PSMA1: variants seen among roughly 807,000 people sequenced by gnomAD.
PSMA1 encodes proteasome subunit alpha type-1.
In PSMA1, 3 loss-of-function variants were observed where a neutral mutation model predicts 38.4. That is an observed-to-expected ratio of 0.08 (90% CI 0.04 to 0.20). The LOEUF is 0.20. Among genes scored for constraint, PSMA1 ranks in the 10% least tolerant of loss-of-function variants. PSMA1 has a pLI of 1.00. For synonymous variants in PSMA1, 101 were observed against 107.1 expected (o/e 0.94, Z 0.35); for missense variants, 227 against 325.3 (o/e 0.70, Z 2.32).
At chr11:14,625,637 G>C (rs568623256) in intron 1 of PSMA1, among the ~76,000 whole-genome samples, 1 of 152,208 alleles carries the variant, frequency 6.6e-6, no homozygotes, top group Non-Finnish European at 1.5e-5. Context: ...TTTAATAGGA[G>C]ACTTTGGCTT....
chr11:14,505,452 A>AT (rs1232305823), intron 9 of PSMA1, among the ~76,000 whole-genome samples: 7 of 152,224 alleles, frequency 4.6e-5, no homozygotes, highest in East Asian at 1.9e-4. Flanking sequence ...GGGAATAAAG[A>AT]TTTTTTATTT....
intron 2 of PSMA1, among the ~76,000 whole-genome samples, chr11:14,577,286 T>A (rs1361509986): frequency 1.3e-5 from 2 of 152,196 alleles, no homozygotes; most frequent in Non-Finnish European, 2.9e-5. Context: ...TCTGTAGTGG[T>A]ACAGATGAGA....
At chr11:14,592,361 T>TCTCC (rs1852428715) in intron 2 of PSMA1, among the ~76,000 whole-genome samples, 1 of 104,448 alleles carries the variant, frequency 9.6e-6, no homozygotes, top group Admixed American at 1.1e-4. Flanking sequence ...ACAGTCTCTC[T>TCTCC]CTCTCTCTCT....
chr11:14,586,198 G>A (rs1852343512), intron 2 of PSMA1, among the ~76,000 whole-genome samples: 2 of 152,120 alleles, frequency 1.3e-5, no homozygotes, highest in Non-Finnish European at 2.9e-5. Flanking sequence ...TTGGGAGGCC[G>A]AGGCTGGAGG....
At chr11:14,589,095 T>C (rs942896435) in intron 2 of PSMA1, among the ~76,000 whole-genome samples, 2 of 152,216 alleles carry the variant, frequency 1.3e-5, no homozygotes, top group African/African-American at 4.8e-5. Flanking sequence ...CCTAGAATTC[T>C]CTTCTCCTAG....
At chr11:14,521,557 G>C (rs1317315998), upstream of PSMA1, among the ~76,000 whole-genome samples, 1 of 150,654 alleles carries the variant, frequency 6.6e-6, no homozygotes, top group African/African-American at 2.4e-5. Context: ...AGGCAGAGGC[G>C]GGTGGATCAC....
chr11:14,507,982 A>G (rs1412227868), intron 8 of PSMA1, among the ~76,000 whole-genome samples: 1 of 152,164 alleles, frequency 6.6e-6, no homozygotes, highest in African/African-American at 2.4e-5. Context: ...ATCATGAGTA[A>G]CTCCAAAGAT....
At chr11:14,511,824 A>C (rs1489705516) in intron 7 of PSMA1, among the ~76,000 whole-genome samples, 2 of 152,204 alleles carry the variant, frequency 1.3e-5, no homozygotes, top group Non-Finnish European at 2.9e-5. Flanking sequence ...AGAAAGGAGA[A>C]AGTAAAACTA....
intron 2 of PSMA1, among the ~76,000 whole-genome samples, chr11:14,583,896 T>C (rs963641635): frequency 6.6e-6 from 1 of 152,168 alleles, no homozygotes; most frequent in African/African-American, 2.4e-5. Context: ...CTCTTTTCAC[T>C]TGGGGGACTC....
At chr11:14,577,917 G>A (rs1279910686) in intron 2 of PSMA1, among the ~76,000 whole-genome samples, 1 of 152,156 alleles carries the variant, frequency 6.6e-6, no homozygotes, top group Non-Finnish European at 1.5e-5. Context: ...TTATCTGTTT[G>A]TTTGAAAGAG....
intron 1 of PSMA1, among the ~76,000 whole-genome samples, chr11:14,640,993 T>G (rs112023132): frequency 0.011 from 1,637 of 152,168 alleles, 30 homozygotes; most frequent in African/African-American, 0.037. Context: ...CAGGATCCCA[T>G]GTCATGGTAA....
At chr11:14,628,081 A>C (rs1852938707) in intron 1 of PSMA1, among the ~76,000 whole-genome samples, 1 of 152,230 alleles carries the variant, frequency 6.6e-6, no homozygotes, top group Non-Finnish European at 1.5e-5. Context: ...TCTCATAGGA[A>C]CATGAATCCT....
At chr11:14,558,646 C>A (rs1851969835) in intron 2 of PSMA1, among the ~76,000 whole-genome samples, 1 of 152,122 alleles carries the variant, frequency 6.6e-6, no homozygotes, top group African/African-American at 2.4e-5. Flanking sequence ...TGTGTCCAGG[C>A]TTTAGGACTA....
At chr11:14,516,262 T>C (rs1470160979) in intron 4 of PSMA1, among the ~76,000 whole-genome samples, 3 of 151,694 alleles carry the variant, frequency 2.0e-5, no homozygotes, top group Non-Finnish European at 4.4e-5. Context: ...TAGAGTACAG[T>C]GGCACTATCA....
In PSMA1 at chr11:14,596,310, A is replaced by G. The variant is rs942301787; in HGVS notation, c.21+14656T>C. 2.0e-5 allele frequency among the ~76,000 whole-genome samples: 3 copies of G among 152,188 alleles called. No individual in the cohort carries two copies. In the East Asian group the frequency reaches 5.8e-4, roughly 29 times the overall value. ...TCATTGGTAGCTTGATGGAGATGGC[A>G]TTGAATCTATAAATTACTTTGGGCA... On this transcript the variant is annotated intron_variant, in intron 2 of 10. Transcript: ENST00000418988.
chr11:14,634,150 A>G (rs187747947), intron 1 of PSMA1, among the ~76,000 whole-genome samples: 10 of 152,278 alleles, frequency 6.6e-5, no homozygotes, highest in African/African-American at 2.4e-4. Context: ...CTATTCGGCC[A>G]TCTTGGCTCC....
chr11:14,592,627 C>T (rs764045620), intron 2 of PSMA1, among the ~76,000 whole-genome samples: 8 of 152,120 alleles, frequency 5.3e-5, no homozygotes, highest in African/African-American at 1.4e-4. Flanking sequence ...CCTTGTGATC[C>T]GCCCGCCTGG....
At chr11:14,590,799 G>A (rs530524795) in intron 2 of PSMA1, among the ~76,000 whole-genome samples, 2 of 152,306 alleles carry the variant, frequency 1.3e-5, no homozygotes, top group South Asian at 2.1e-4. Flanking sequence ...CCAGATGACC[G>A]GGACGAGGCC....
intron 2 of PSMA1, among the ~76,000 whole-genome samples, chr11:14,584,907 T>C (rs971223962): frequency 2.0e-5 from 3 of 152,208 alleles, no homozygotes; most frequent in African/African-American, 7.2e-5. Context: ...TGTTCCTGTC[T>C]CCTTTCACAT....
Sources: gnomAD v4.1 joint callset for allele counts (sites outside exome capture counted in the v4.1 genomes callset) on GRCh38, gnomAD v4.1.1 for gene constraint, MANE v1.5 for transcripts, NCBI Gene and HGNC (gene_info 2026-07-23, HGNC 2026-07-21) for gene names.